The following NCOA7 variants were observed in gnomAD, a reference collection of about 807,000 sequenced individuals.
NCOA7 encodes the protein nuclear receptor coactivator 7, also known as 140 kDa estrogen receptor-associated protein.
Under a neutral mutation model 104.3 loss-of-function variants are expected in NCOA7, and 45 were observed. That is an observed-to-expected ratio of 0.43 (90% CI 0.34 to 0.55). The LOEUF (loss-of-function observed/expected upper bound fraction) is 0.55. Among genes scored for constraint, NCOA7 ranks in the 20% least tolerant of loss-of-function variants. The pLI is 0.02. For missense variants in NCOA7, 1,041 were observed against 1,119.7 expected, an observed-to-expected ratio of 0.93 and a Z score of 1.00; for synonymous variants, 398 against 402.3, an observed-to-expected ratio of 0.99 and a Z score of 0.13.
intron 1 of NCOA7, among the ~76,000 whole-genome samples, chr6:125,784,676 G>A (rs1035509618): frequency 6.6e-6 from 1 of 152,136 alleles, no homozygotes; most frequent in Non-Finnish European, 1.5e-5. Context: ...ACAAACTGTG[G>A]TACATCGATA....
intron 4 of NCOA7, chr6:125,875,574 AC>A (rs1237826833): frequency 6.6e-6 from 1 of 152,180 alleles, no homozygotes; most frequent in East Asian, 1.9e-4. Flanking sequence ...GCAGGCTAGA[AC>A]TTAATTCTTG....
intron 10 of NCOA7, among the ~76,000 whole-genome samples, chr6:125,907,450 G>GT (rs1460829934): frequency 6.6e-6 from 1 of 152,188 alleles, no homozygotes; most frequent in Non-Finnish European, 1.5e-5. Context: ...CGGTGGTGCT[G>GT]TGAGTCCCTC....
chr6:125,927,078 T>C (rs1365406060), intron 13 of NCOA7, among the ~76,000 whole-genome samples: 1 of 152,192 alleles, frequency 6.6e-6, no homozygotes, highest in Non-Finnish European at 1.5e-5. Flanking sequence ...TATTACGGGG[T>C]TATTTGTTTC....
chr6:125,894,131 C>G (rs900874199), intron 10 of NCOA7, among the ~76,000 whole-genome samples: 2 of 149,890 alleles, frequency 1.3e-5, no homozygotes, highest in African/African-American at 4.9e-5. Context: ...AACCTTAACA[C>G]TATTGACATT....
intron 1 of NCOA7, among the ~76,000 whole-genome samples, chr6:125,811,629 G>A (rs982936761): frequency 6.6e-6 from 1 of 152,086 alleles, no homozygotes; most frequent in Admixed American, 6.5e-5. Context: ...TTGGGGAGAC[G>A]CCCAGGGGGT....
intron 13 of NCOA7, among the ~76,000 whole-genome samples, chr6:125,925,890 A>G (rs1286922065): frequency 6.6e-6 from 1 of 152,228 alleles, no homozygotes; most frequent in Non-Finnish European, 1.5e-5. Flanking sequence ...ATTTTTTTAA[A>G]TACATTAATA....
At chr6:125,835,077 GTTCTT>G (rs1779501328) in intron 2 of NCOA7, among the ~76,000 whole-genome samples, 1 of 152,146 alleles carries the variant, frequency 6.6e-6, no homozygotes, top group South Asian at 2.1e-4. Context: ...CCAGATAAAA[GTTCTT>G]TTCTTTTCTC....
At chr6:125,857,620 G>C (rs916265856) in intron 3 of NCOA7, among the ~76,000 whole-genome samples, 7 of 151,774 alleles carry the variant, frequency 4.6e-5, no homozygotes, top group Non-Finnish European at 1.0e-4. Flanking sequence ...GAGTGCCATG[G>C]CACAATCTCA....
intron 13 of NCOA7, 74 bp from the exon 14 acceptor site, chr6:125,927,589 A>G: frequency 8.5e-7 from 1 of 1,174,822 alleles, no homozygotes; most frequent in Non-Finnish European, 1.3e-6. Context: ...ATGATGTATC[A>G]AAAATATTCC....
At position 125,881,092 on chromosome 6, in the gene NCOA7, C is replaced by T; in HGVS notation, c.462C>T (p.Val154=). ...LFTHTIVPGQ[V]LFVPDANSPS... The stretch of plus-strand genomic sequence containing the variant: ...CATCTGTTCTCTCCCATTCTCAGGT[C>T]CTTTTTGTGCCAGATGCCAACTCTC... The change falls in exon 6 of 16, where the codon GTC becomes GTT. Residue 154 remains valine, a splice_region_variant and synonymous_variant. Transcript: ENST00000392477. 6.2e-7 allele frequency: 1 copy of T among 1,611,238 alleles called. No individual in the cohort carries two copies. Among genetic ancestry groups the T allele is most frequent in the Non-Finnish European group, 8.5e-7 (1 of 1,177,482 alleles).
At chr6:125,904,397 G>A (rs1004434524) in intron 10 of NCOA7, among the ~76,000 whole-genome samples, 1 of 152,106 alleles carries the variant, frequency 6.6e-6, no homozygotes, top group Non-Finnish European at 1.5e-5. Flanking sequence ...CCTTTTTACA[G>A]AATTCTTTGT....
At chr6:125,901,792 G>A (rs1162166266) in intron 10 of NCOA7, among the ~76,000 whole-genome samples, 1 of 152,176 alleles carries the variant, frequency 6.6e-6, no homozygotes, top group East Asian at 1.9e-4. Flanking sequence ...AGGTCCCATG[G>A]CCTTGAAGGA....
At position 125,875,172 on chromosome 6, in the gene NCOA7, G is replaced by T; in HGVS notation, c.351+204G>T. 1.1e-5 allele frequency: 5 copies of T among 466,590 alleles called. No individual in the cohort carries two copies. The East Asian group carries it at 1.7e-4, about 16-fold the overall frequency. 28.9% of individuals were successfully genotyped at this position (466,590 alleles called of 1,614,324 possible). A position where few individuals can be genotyped will look rare whatever the true frequency, so the allele number is the denominator to read the frequency against. On this transcript the variant is annotated intron_variant, in intron 4 of 15. Transcript: ENST00000392477. ...TCAAATAAACCAGTGAATTGAGAAT[G>T]TGAGGGTGATCTGGCTGCAACATCC...
chr6:125,896,077 T>TAA (rs553565228), intron 10 of NCOA7, among the ~76,000 whole-genome samples: 94 of 149,306 alleles, frequency 6.3e-4, no homozygotes, highest in Non-Finnish European at 8.4e-4. Flanking sequence ...TATATATATA[T>TAA]AATGCAGTTA....
At position 125,823,355 on chromosome 6, in the gene NCOA7, A is replaced by G. The variant is rs552411890; in HGVS notation, c.50+7951A>G. On this transcript the variant is annotated intron_variant, in intron 2 of 15. Transcript: ENST00000392477. ...TGGTTTGTGAATTTTAATTTTTATC[A>G]CTACAAATTTTTCAGTATTCAGCAA... 2.6e-5 allele frequency among the ~76,000 whole-genome samples: 4 copies of G among 152,360 alleles called. No homozygotes were observed. The East Asian group carries it at 7.7e-4, about 29-fold the overall frequency.
At chr6:125,838,918 G>A (rs1286056377) in intron 2 of NCOA7, among the ~76,000 whole-genome samples, 2 of 152,066 alleles carry the variant, frequency 1.3e-5, no homozygotes, top group African/African-American at 4.8e-5. Context: ...AGGTATGGGG[G>A]ACTCAGGGGT....
intron 10 of NCOA7, among the ~76,000 whole-genome samples, chr6:125,908,033 G>C (rs1487438015): frequency 6.6e-6 from 1 of 152,142 alleles, no homozygotes; most frequent in Non-Finnish European, 1.5e-5. Flanking sequence ...TCAGTTTAAA[G>C]GGCTGGCCAT....
chr6:125,857,982 T>C (rs1410398286), intron 3 of NCOA7, among the ~76,000 whole-genome samples: 1 of 152,076 alleles, frequency 6.6e-6, no homozygotes, highest in African/African-American at 2.4e-5. Flanking sequence ...ATGCTGAGTC[T>C]GAAACAATGT....
intron 1 of NCOA7, among the ~76,000 whole-genome samples, chr6:125,807,897 TA>T (rs1274302423): frequency 6.6e-6 from 1 of 152,222 alleles, no homozygotes; most frequent in Non-Finnish European, 1.5e-5. Flanking sequence ...TGATTTCCTT[TA>T]TTCATTTAAT....
Sources: gnomAD v4.1 joint callset for allele counts (sites outside exome capture counted in the v4.1 genomes callset) on GRCh38, gnomAD v4.1.1 for gene constraint, MANE v1.5 for transcripts, NCBI Gene and HGNC (gene_info 2026-07-23, HGNC 2026-07-21) for gene names.